SLC8A3: variants seen among roughly 807,000 people sequenced by gnomAD.
SLC8A3 encodes the protein solute carrier family 8 member A3.
Under a neutral mutation model 65.4 loss-of-function variants are expected in SLC8A3, and 37 were observed. The observed-to-expected ratio is 0.57, with a 90% confidence interval of 0.44 to 0.74. The LOEUF (loss-of-function observed/expected upper bound fraction) is 0.74, where lower values mean the gene tolerates loss of function less well. Among genes scored for constraint, SLC8A3 ranks in the 30% least tolerant of loss-of-function variants. SLC8A3 has a pLI of 0.00. For missense variants in SLC8A3, 1,112 were observed against 1,172.1 expected (o/e 0.95, Z 0.75); for synonymous variants, 461 against 444.5 (o/e 1.04, Z -0.47).
At chr14:70,147,588 A>G (rs1594759163) in intron 2 of SLC8A3, among the ~76,000 whole-genome samples, 1 of 152,188 alleles carries the variant, frequency 6.6e-6, no homozygotes, top group East Asian at 1.9e-4. Context: ...CTTTAAGGGA[A>G]ACTGTCCTGA....
At chr14:70,055,229 T>A (rs908962129) in intron 3 of SLC8A3, among the ~76,000 whole-genome samples, 1 of 152,162 alleles carries the variant, frequency 6.6e-6, no homozygotes, top group African/African-American at 2.4e-5. Context: ...CATAGGACTT[T>A]AAGGGTCAAT....
At chr14:70,174,260 A>G (rs1210038864) in intron 1 of SLC8A3, among the ~76,000 whole-genome samples, 1 of 152,240 alleles carries the variant, frequency 6.6e-6, no homozygotes, top group Non-Finnish European at 1.5e-5. Flanking sequence ...ACATACAGGC[A>G]GAATGGATCC....
At chr14:70,163,362 C>T (rs1896988418) in intron 2 of SLC8A3, among the ~76,000 whole-genome samples, 1 of 152,200 alleles carries the variant, frequency 6.6e-6, no homozygotes, top group Admixed American at 6.5e-5. Flanking sequence ...GCTAAAAGCA[C>T]CTTTGAAGAA....
intron 2 of SLC8A3, among the ~76,000 whole-genome samples, chr14:70,103,311 A>G (rs1213384636): frequency 6.6e-6 from 1 of 152,112 alleles, no homozygotes; most frequent in African/African-American, 2.4e-5. Flanking sequence ...CCAAATGAAA[A>G]CGGGTTTACA....
chr14:70,175,882 G>A (rs1425759848), intron 1 of SLC8A3, among the ~76,000 whole-genome samples: 1 of 152,006 alleles, frequency 6.6e-6, no homozygotes, highest in African/African-American at 2.4e-5. Flanking sequence ...TTACAGGTGT[G>A]CACCACCACA....
chr14:70,140,704 A>G (rs1400026570), intron 2 of SLC8A3, among the ~76,000 whole-genome samples: 1 of 152,216 alleles, frequency 6.6e-6, no homozygotes, highest in East Asian at 1.9e-4. Flanking sequence ...GGTGTACATT[A>G]ATGACTAATT....
intron 2 of SLC8A3, among the ~76,000 whole-genome samples, chr14:70,116,580 A>G (rs1893684977): frequency 6.6e-6 from 1 of 152,166 alleles, no homozygotes; most frequent in Non-Finnish European, 1.5e-5. Flanking sequence ...GTACAACAGT[A>G]TGTCATTAAT....
chr14:70,081,854 T>G (rs1303262709), intron 2 of SLC8A3, among the ~76,000 whole-genome samples: 1 of 152,154 alleles, frequency 6.6e-6, no homozygotes, highest in Admixed American at 6.5e-5. Flanking sequence ...AAGAACAGTA[T>G]GAAAAATGAA....
At chr14:70,092,405 G>A (rs1217147136) in intron 2 of SLC8A3, among the ~76,000 whole-genome samples, 1 of 152,080 alleles carries the variant, frequency 6.6e-6, no homozygotes, top group Non-Finnish European at 1.5e-5. Flanking sequence ...CAGGGCTCTT[G>A]TGTTGCAGAG....
chr14:70,082,825 A>G (rs1891151377), intron 2 of SLC8A3, among the ~76,000 whole-genome samples: 1 of 152,216 alleles, frequency 6.6e-6, no homozygotes, highest in African/African-American at 2.4e-5. Flanking sequence ...GCAAGAATGG[A>G]TAGCCCAAAT....
At chr14:70,063,764 G>A in intron 2 of SLC8A3, 1 of 946,736 alleles carries the variant, frequency 1.1e-6, no homozygotes, top group Non-Finnish European at 1.7e-6. Flanking sequence ...GGTTGGAGAG[G>A]AAGAAACAGA....
intron 2 of SLC8A3, among the ~76,000 whole-genome samples, chr14:70,121,302 C>T (rs1367168709): frequency 6.6e-6 from 1 of 152,224 alleles, no homozygotes; most frequent in Non-Finnish European, 1.5e-5. Context: ...CATCTCCACT[C>T]TATGCCCCAT....
chr14:70,081,547 T>C (rs1357463464), intron 2 of SLC8A3, among the ~76,000 whole-genome samples: 1 of 152,188 alleles, frequency 6.6e-6, no homozygotes, highest in Non-Finnish European at 1.5e-5. Context: ...CCTCCATCAG[T>C]GGCTGATCCC....
Position 70,167,696 on chromosome 14 carries a change from C to T in SLC8A3, c.727G>A (p.Val243Met), listed in dbSNP as rs142047895. The T allele has an allele frequency of 1.2e-6, 2 of 1,614,150 alleles. No individual in the cohort carries two copies. The highest frequency in any genetic ancestry group is 2.2e-5 in the East Asian group (1 of 44,884). ...GCCACCCAGGCCAGAAGGACACACA[C>T]TGGAAAGAAGAAGAGAGTGAGGAGG... Reference protein sequence around the residue: ...EGLLTLFFFPVCVLLAWVADK... With the variant: ...EGLLTLFFFPMCVLLAWVADK... Residue 243 changes from valine to methionine, a missense_variant, in exon 2 of 7, where the codon GTG becomes ATG. Physicochemically the swap from Val to Met is conservative, Grantham distance 21 (BLOSUM62 1). Coordinates refer to ENST00000356921, the MANE Select transcript of SLC8A3 (RefSeq NM_182932.3).
intron 1 of SLC8A3, among the ~76,000 whole-genome samples, chr14:70,187,599 CTGTGTGTGTGTGTGTGT>C (rs1193669963): frequency 8.5e-6 from 1 of 118,206 alleles, no homozygotes; most frequent in Non-Finnish European, 1.7e-5. Context: ...AGGGCTTTGA[CTGTGTGTGTGTGTGTGT>C]GTGTGTGTGT....
chr14:70,108,213 A>T (rs1369223479), intron 2 of SLC8A3, among the ~76,000 whole-genome samples: 1 of 152,132 alleles, frequency 6.6e-6, no homozygotes, highest in Non-Finnish European at 1.5e-5. Flanking sequence ...CACTGAATGG[A>T]AACAGTGAAG....
At chr14:70,078,360 G>A (rs1380322384) in intron 2 of SLC8A3, among the ~76,000 whole-genome samples, 3 of 152,098 alleles carry the variant, frequency 2.0e-5, no homozygotes, top group Non-Finnish European at 4.4e-5. Context: ...TAAAATTAGG[G>A]TACTGTATCA....
chr14:70,146,183 C>G (rs1946484565), intron 2 of SLC8A3, among the ~76,000 whole-genome samples: 1 of 152,164 alleles, frequency 6.6e-6, no homozygotes, highest in Non-Finnish European at 1.5e-5. Context: ...CATTAACTCT[C>G]CAGCATTCGG....
intron 1 of SLC8A3, among the ~76,000 whole-genome samples, chr14:70,181,465 C>T (rs1160909046): frequency 2.3e-5 from 3 of 127,798 alleles, no homozygotes; most frequent in Non-Finnish European, 5.1e-5. Flanking sequence ...AAGCCACACG[C>T]AAAAAAAAAA....
Sources: allele counts gnomAD v4.1 joint callset (sites outside exome capture counted in the v4.1 genomes callset), GRCh38; gene constraint gnomAD v4.1.1; transcripts MANE v1.5; gene names NCBI Gene and HGNC (gene_info 2026-07-23, HGNC 2026-07-21).